The following ANP32E variants were observed in gnomAD, a reference collection of about 807,000 sequenced individuals.
ANP32E encodes acidic nuclear phosphoprotein 32 family member E.
Under a neutral mutation model 35.3 loss-of-function variants are expected in ANP32E, and 14 were observed. That is an observed-to-expected ratio of 0.40 (90% CI 0.26 to 0.62). The LOEUF is 0.62. Among genes scored for constraint, ANP32E ranks in the 20% least tolerant of loss-of-function variants. The pLI is 0.45. For missense variants in ANP32E, 198 were observed against 304.4 expected, an observed-to-expected ratio of 0.65 and a Z score of 2.60; for synonymous variants, 89 against 110.4, an observed-to-expected ratio of 0.81 and a Z score of 1.22.
chr1:150,235,818 C>T lies in ANP32E; in HGVS notation c.-32G>A. ...CTCTTGCTCTTCAGCTACTACTCTC[C>T]TTTTCCCTTTCCTGCCTTCCCCAAT... is the stretch of plus-strand genomic sequence containing the variant. On this transcript the variant is annotated 5_prime_UTR_variant, in exon 1 of 7. Transcript: ENST00000583931. This position sits in a 1 kb window ranked among gnomAD's most constrained non-coding sequence, Gnocchi z 4.2. 1 of 1,534,506 alleles carries T rather than the reference C, an allele frequency of 6.5e-7. No homozygotes were observed.
chr1:150,233,005 C>T (rs1350522000), intron 1 of ANP32E, among the ~76,000 whole-genome samples: 1 of 152,062 alleles, frequency 6.6e-6, no homozygotes, highest in Non-Finnish European at 1.5e-5. Flanking sequence ...GGGCTCACGC[C>T]TGTAATCCCA....
rs1649727354 is a variant in ANP32E, at chr1:150,235,716, G to A, written c.54+17C>T. The A allele has an allele frequency of 6.2e-7, 1 of 1,613,354 alleles. No homozygotes were observed. The highest frequency in any genetic ancestry group is 8.5e-7 in the Non-Finnish European group (1 of 1,179,774). ...TACTGGACTGATGGGGAAGCGGTGG[G>A]GGCTGAGTCATCTCACCTCCTCCGG... is the stretch of plus-strand genomic sequence containing the variant. On this transcript the variant is annotated intron_variant, in intron 1 of 6. Transcript: ENST00000583931. The surrounding 1 kb of genome is among the most constrained non-coding windows in gnomAD (Gnocchi z 4.2).
intron 1 of ANP32E, among the ~76,000 whole-genome samples, 166 bp from the exon 2 acceptor site, chr1:150,232,092 C>A (rs1649389662): frequency 1.3e-5 from 2 of 152,206 alleles, no homozygotes; most frequent in South Asian, 4.2e-4. Flanking sequence ...CGCCTGTAAT[C>A]CCAGCACTTT....
intron 1 of ANP32E, among the ~76,000 whole-genome samples, chr1:150,233,250 T>TAG (rs1398209091): frequency 9.2e-6 from 1 of 108,472 alleles, no homozygotes; most frequent in Non-Finnish European, 1.7e-5. Context: ...GGGCAACAGA[T>TAG]AGAGACTCTA....
At chr1:150,230,521 G>T in intron 3 of ANP32E, 50 bp downstream of exon 3, 1 of 1,504,908 alleles carries the variant, frequency 6.6e-7, no homozygotes, top group Non-Finnish European at 8.9e-7. Flanking sequence ...ACAAATCTCA[G>T]AAAATTTAAC....
At position 150,235,744 on chromosome 1, in the gene ANP32E, A is replaced by T; in HGVS notation, c.43T>A (p.Ser15Thr). 6.2e-7 allele frequency: 1 copy of T among 1,612,816 alleles called. No homozygotes were observed. The highest frequency in any genetic ancestry group is 8.5e-7 in the Non-Finnish European group (1 of 1,179,488). Residue 15 changes from serine to threonine, a missense_variant, in exon 1 of 7, where the codon TCC becomes ACC. Ser to Thr is a moderately conservative substitution (Grantham distance 58, BLOSUM62 1). This residue lies in a region of ANP32E where 35 missense variants were observed against 47.6 expected (regional missense o/e 0.74). Coordinates refer to ENST00000583931, the MANE Select transcript of ANP32E (RefSeq NM_030920.5). This position sits in a 1 kb window ranked among gnomAD's most constrained non-coding sequence, Gnocchi z 4.2. ...KKINLELRNR[S>T]PEEVTELVLD... Reference sequence around the variant, plus strand: ...CTGAGTCATCTCACCTCCTCCGGGGATCTGTTCCTTAACTCCAGGTTAATC... The same window carrying T: ...CTGAGTCATCTCACCTCCTCCGGGGTTCTGTTCCTTAACTCCAGGTTAATC...
rs1428634988 is a variant in ANP32E at position 150,228,783 on chromosome 1, A to T, written c.493+289T>A. ...GGCTATTATAAGTGGTTGCTTTTTT[A>T]AAAAAATACTATTTAAGAGGTTGCC... On this transcript the variant is annotated intron_variant, in intron 4 of 6. Coordinates refer to ENST00000583931, the MANE Select transcript of ANP32E (RefSeq NM_030920.5). Among the ~76,000 whole-genome samples the T allele has an allele frequency of 7.9e-5, 12 of 151,060 alleles. 1 individual carries two copies. Among genetic ancestry groups the T allele is most frequent in the Middle Eastern group, 3.2e-3 (1 of 316 alleles).
At chr1:150,233,691 T>A (rs1269157755) in intron 1 of ANP32E, among the ~76,000 whole-genome samples, 4 of 152,284 alleles carry the variant, frequency 2.6e-5, no homozygotes, top group Admixed American at 6.5e-5. Flanking sequence ...CTGTTTGAGG[T>A]ATCCGAGGGC....
chr1:150,229,301 T>TTTC (rs1649153214), intron 3 of ANP32E, 64 bp from the exon 4 acceptor site: 16 of 893,722 alleles, frequency 1.8e-5, no homozygotes, highest in East Asian at 9.1e-5. Context: ...CTTTTTTCTT[T>TTTC]TTTTTTTTTT....
intron 1 of ANP32E, among the ~76,000 whole-genome samples, chr1:150,233,919 T>C (rs1312293821): frequency 6.6e-6 from 1 of 152,038 alleles, no homozygotes; most frequent in Non-Finnish European, 1.5e-5. Flanking sequence ...GAGTGGGGGC[T>C]ACTAGATTTG....
chr1:150,220,815 G>A, intron 6 of ANP32E, 54 bp from the exon 7 acceptor site: 6 of 1,499,810 alleles, frequency 4.0e-6, no homozygotes, highest in African/African-American at 2.8e-5. Flanking sequence ...AATGAGGATT[G>A]GTTACATTTT....
intron 4 of ANP32E, among the ~76,000 whole-genome samples, chr1:150,227,987 G>A (rs1649014984): frequency 2.0e-5 from 3 of 150,802 alleles, no homozygotes; most frequent in Admixed American, 1.3e-4. Flanking sequence ...TCCCATTTTC[G>A]TCTCCCCCAG....
intron 5 of ANP32E, 82 bp downstream of exon 5, chr1:150,226,526 T>A: frequency 6.6e-7 from 1 of 1,518,178 alleles, no homozygotes; most frequent in Non-Finnish European, 8.8e-7. Flanking sequence ...AACTCTCAGA[T>A]TGCTACAAAA....
intron 4 of ANP32E, 43 bp downstream of exon 4, chr1:150,229,029 A>C (rs1184169918): frequency 7.7e-6 from 12 of 1,552,506 alleles, no homozygotes; most frequent in Non-Finnish European, 1.0e-5. Context: ...GCTACAGCAG[A>C]GGCTATAATT....
chr1:150,228,797 TA>T (rs1199396235), intron 4 of ANP32E, among the ~76,000 whole-genome samples: 1 of 152,150 alleles, frequency 6.6e-6, no homozygotes, highest in Non-Finnish European at 1.5e-5. Flanking sequence ...AAATACTATT[TA>T]AGAGGTTGCC....
In ANP32E at chr1:150,220,488, G is replaced by C. The variant is rs1648251918; in HGVS notation, c.*203C>G. ...AGGGAATTCCACAATGGGAGTCAAT[G>C]AAAATTTTTCTCTACATACAATATG... On this transcript the variant is annotated 3_prime_UTR_variant, in exon 7 of 7. Transcript: ENST00000583931. 4.0e-6 allele frequency: 2 copies of C among 504,074 alleles called. No homozygotes were observed. The highest frequency in any genetic ancestry group is 3.9e-5 in the African/African-American group (2 of 51,580). The allele number at this position is 504,074 out of a possible 1,614,324, so 31.2% of individuals were successfully genotyped here.
Position 150,226,624 on chromosome 1 carries a change from A to G in ANP32E, c.665T>C (p.Met222Thr), listed in dbSNP as rs1163759773. The change falls in exon 5 of 7, where the codon ATG becomes ACG. Residue 222 changes from methionine (M) to threonine (T), a missense_variant. Coordinates refer to ENST00000583931, the MANE Select transcript of ANP32E (RefSeq NM_030920.5). ...GEEEVGLSYL[M>T]KEEIQDEEDD... Reference sequence around the variant, plus strand: ...TGTATTCACCTGAATTTCTTCTTTCATTAAGTATGAGAGGCCCACTTCCTC... The same window carrying G: ...TGTATTCACCTGAATTTCTTCTTTCGTTAAGTATGAGAGGCCCACTTCCTC... 26 of 1,613,358 alleles carry G rather than the reference A, an allele frequency of 1.6e-5. No homozygotes were observed. Among genetic ancestry groups the G allele is most frequent in the Non-Finnish European group, 2.1e-5 (25 of 1,179,902 alleles).
At chr1:150,233,333 C>T (rs1649526284) in intron 1 of ANP32E, among the ~76,000 whole-genome samples, 1 of 150,920 alleles carries the variant, frequency 6.6e-6, no homozygotes, top group African/African-American at 2.4e-5. Flanking sequence ...CAGTTTAAAC[C>T]TCCTTCTCTT....
intron 6 of ANP32E, among the ~76,000 whole-genome samples, chr1:150,222,823 G>A (rs587658077): frequency 1.3e-5 from 2 of 151,746 alleles, no homozygotes; most frequent in African/African-American, 4.8e-5. Flanking sequence ...TCTAAAAAGA[G>A]CATTAATTAT....
Sources: gnomAD v4.1 joint callset for allele counts (sites outside exome capture counted in the v4.1 genomes callset) on GRCh38, gnomAD v4.1.1 for gene constraint, gnomAD v4.1.1 regional missense constraint, Gnocchi (gnomAD v3.1) non-coding constraint, MANE v1.5 for transcripts, NCBI Gene and HGNC (gene_info 2026-07-23, HGNC 2026-07-21) for gene names.